Variants in DNAH14 observed in about 807,000 individuals in gnomAD.
The protein encoded by DNAH14 is axonemal beta dynein heavy chain 14.
Under a neutral mutation model 520.9 loss-of-function variants are expected in DNAH14, and 478 were observed. The observed-to-expected ratio is 0.92, with a 90% CI of 0.85 to 0.99. DNAH14 has a LOEUF of 0.99. Among genes scored for constraint, DNAH14 ranks in the 50% least tolerant of loss-of-function variants. DNAH14 has a pLI of 0.00. For synonymous variants in DNAH14, 1,581 were observed against 1,757.2 expected, an observed-to-expected ratio of 0.90 and a Z score of 2.51; for missense variants, 4,831 against 5,234.5, an observed-to-expected ratio of 0.92 and a Z score of 2.38.
At chr1:224,970,146 C>G (rs558547997) in intron 7 of DNAH14, among the ~76,000 whole-genome samples, 2 of 152,098 alleles carry the variant, frequency 1.3e-5, no homozygotes, top group Non-Finnish European at 2.9e-5. Context: ...AAAGAGAATG[C>G]GTCCCTGAGG....
intron 27 of DNAH14, among the ~76,000 whole-genome samples, chr1:225,137,162 A>T (rs763967599): frequency 2.0e-5 from 3 of 152,154 alleles, no homozygotes; most frequent in Non-Finnish European, 4.4e-5. Context: ...CAATTCATGT[A>T]TCTCAGCCTC....
chr1:225,184,589 C>G (rs1036814031), intron 36 of DNAH14, among the ~76,000 whole-genome samples: 13 of 152,094 alleles, frequency 8.5e-5, no homozygotes, highest in African/African-American at 3.1e-4. Context: ...CACTGCACAC[C>G]AGCCTGGGCA....
intron 36 of DNAH14, among the ~76,000 whole-genome samples, chr1:225,183,319 G>T (rs1264133299): frequency 6.6e-6 from 1 of 152,256 alleles, no homozygotes; most frequent in Non-Finnish European, 1.5e-5. Context: ...TGGCAGGTAG[G>T]TAGTGGTGGC....
chr1:225,273,288 C>T (rs533894432), intron 52 of DNAH14, among the ~76,000 whole-genome samples, 163 bp downstream of exon 52: 1 of 152,058 alleles, frequency 6.6e-6, no homozygotes, highest in Non-Finnish European at 1.5e-5. Context: ...AAAAATTAGC[C>T]GGGCGTGGTG....
chr1:225,219,394 A>T (rs1462297103), intron 41 of DNAH14, among the ~76,000 whole-genome samples: 1 of 151,820 alleles, frequency 6.6e-6, no homozygotes, highest in South Asian at 2.1e-4. Context: ...TTTAAAAAAA[A>T]AAAAATAGAC....
intron 51 of DNAH14, among the ~76,000 whole-genome samples, chr1:225,272,488 A>G (rs2093341340): frequency 6.6e-6 from 1 of 152,228 alleles, no homozygotes; most frequent in African/African-American, 2.4e-5. Context: ...CAAAATTGAA[A>G]TGTTAAGAAA....
intron 41 of DNAH14, among the ~76,000 whole-genome samples, chr1:225,222,605 G>T (rs2090147495): frequency 6.6e-6 from 1 of 152,114 alleles, no homozygotes; most frequent in Non-Finnish European, 1.5e-5. Context: ...GTGCTGATTG[G>T]TCCATGTTAC....
chr1:225,228,413 A>G (rs141996680), intron 41 of DNAH14, among the ~76,000 whole-genome samples: 29 of 152,288 alleles, frequency 1.9e-4, no homozygotes, highest in African/African-American at 5.5e-4. Context: ...TCACCTCTCT[A>G]TCTTGGAATC....
intron 23 of DNAH14, among the ~76,000 whole-genome samples, chr1:225,116,223 G>A (rs2076864055): frequency 1.3e-5 from 2 of 152,172 alleles, no homozygotes; most frequent in Non-Finnish European, 2.9e-5. Flanking sequence ...AGGACAGAGG[G>A]TGAAGGGCCT....
At chr1:225,180,038 T>C (rs1337345587) in intron 36 of DNAH14, among the ~76,000 whole-genome samples, 1 of 152,188 alleles carries the variant, frequency 6.6e-6, no homozygotes, top group Non-Finnish European at 1.5e-5. Flanking sequence ...GCTTTTAGGA[T>C]CCTCTCCTGT....
chr1:225,294,370 T>TTCA (rs1221738526), intron 55 of DNAH14, among the ~76,000 whole-genome samples: 6 of 152,182 alleles, frequency 3.9e-5, no homozygotes, highest in Non-Finnish European at 8.8e-5. Context: ...TGTATCTAGA[T>TTCA]TCATCAGGAA....
Position 225,364,799 on chromosome 1 carries a change from A to C in DNAH14, c.11995A>C (p.Ser3999Arg). ...RLCTIVESFN[S>R]PNVTIDPEFR... ...AAATTTTTTATTTTGCAGTTTTAAT[A>C]GTCCAAACGTGACAATAGACCCTGA... Residue 3999 changes from serine (S) to arginine (R), a missense_variant, in exon 76 of 86, where the codon AGT (serine) becomes CGT (arginine). By Grantham distance (110) the Ser-to-Arg change is moderately radical (BLOSUM62 -1). Coordinates refer to ENST00000682510, the MANE Select transcript of DNAH14 (RefSeq NM_001367479.1). 1 of 1,531,370 alleles carries C rather than the reference A, an allele frequency of 6.5e-7. No homozygotes were observed. Among genetic ancestry groups the C allele is most frequent in the Non-Finnish European group, 8.8e-7 (1 of 1,140,322 alleles). 94.9% of individuals were successfully genotyped at this position (1,531,370 alleles called of 1,614,324 possible).
chr1:224,963,690 C>A (rs2060980663), intron 4 of DNAH14, among the ~76,000 whole-genome samples: 2 of 152,014 alleles, frequency 1.3e-5, no homozygotes, highest in South Asian at 4.1e-4. Flanking sequence ...TCTTGTCAGA[C>A]ATACACAGTT....
chr1:224,994,177 G>T (rs796614892), intron 8 of DNAH14, among the ~76,000 whole-genome samples: 3 of 152,056 alleles, frequency 2.0e-5, no homozygotes, highest in African/African-American at 7.2e-5. Context: ...GCAATATTCT[G>T]TATTTACCTA....
Position 224,929,687 on chromosome 1 carries a change from C to G in DNAH14, c.-182C>G. 2.8e-6 allele frequency: 2 copies of G among 702,466 alleles called. No homozygotes were observed. The highest frequency in any genetic ancestry group is 5.2e-6 in the Non-Finnish European group (2 of 384,868). The allele number at this position is 702,466 out of a possible 1,614,324, so 43.5% of individuals were successfully genotyped here. On this transcript the variant is annotated 5_prime_UTR_variant, in exon 1 of 86. Coordinates refer to ENST00000682510, the MANE Select transcript of DNAH14 (RefSeq NM_001367479.1). ...GGCGTGGCTCTTGGTCAGGCGGTTA[C>G]GGCCAGGAGGCGTCGGAGCCTGGCG...
In DNAH14 at chr1:225,360,678, C is replaced by T; in HGVS notation, c.11777-3C>T. The stretch of plus-strand genomic sequence containing the variant: ...TTATATACCTCTCCACGTTGTTATA[C>T]AGGGATCGACCTTACCAATATCCTC... On this transcript the variant is annotated splice_polypyrimidine_tract_variant and splice_region_variant and intron_variant, in intron 74 of 85. Transcript: ENST00000682510. 1.3e-6 allele frequency: 2 copies of T among 1,551,134 alleles called. No homozygotes were observed.
At chr1:224,958,254 G>A (rs770811979) in intron 3 of DNAH14, among the ~76,000 whole-genome samples, 2 of 152,114 alleles carry the variant, frequency 1.3e-5, no homozygotes, top group Non-Finnish European at 2.9e-5. Context: ...CATTGAAAAG[G>A]AAGAAGAGCA....
intron 4 of DNAH14, among the ~76,000 whole-genome samples, chr1:224,961,698 G>A (rs1311008407): frequency 1.3e-5 from 2 of 152,058 alleles, no homozygotes; most frequent in African/African-American, 4.8e-5. Flanking sequence ...GGGGATTATG[G>A]GAATTACAAT....
chr1:225,081,491 G>A (rs2073114712), intron 19 of DNAH14, among the ~76,000 whole-genome samples: 2 of 152,104 alleles, frequency 1.3e-5, no homozygotes, highest in Non-Finnish European at 2.9e-5. Flanking sequence ...TTATATACGT[G>A]CTTCGGAGAA....
Sources: allele counts gnomAD v4.1 joint callset (sites outside exome capture counted in the v4.1 genomes callset), GRCh38; gene constraint gnomAD v4.1.1; transcripts MANE v1.5; gene names NCBI Gene and HGNC (gene_info 2026-07-23, HGNC 2026-07-21).